The following TBC1D2 variants were observed in gnomAD, a reference collection of about 807,000 sequenced individuals.
The protein encoded by TBC1D2 is TBC1 domain family member 2, also known as TBC1 domain family member 2A.
In TBC1D2, 58 loss-of-function variants were observed where a neutral mutation model predicts 91.1. That is an observed-to-expected ratio of 0.64 (90% CI 0.52 to 0.79). The LOEUF is 0.79. TBC1D2 is among the 30% of genes least tolerant of loss of function. TBC1D2 has a pLI of 0.00. For synonymous variants in TBC1D2, 482 were observed against 511.5 expected (o/e 0.94, Z 0.78); for missense variants, 1,080 against 1,208.3 (o/e 0.89, Z 1.57).
chr9:98,211,652 C>G (rs1186526337), intron 7 of TBC1D2, among the ~76,000 whole-genome samples: 1 of 152,148 alleles, frequency 6.6e-6, no homozygotes, highest in South Asian at 2.1e-4. Flanking sequence ...CTGTTGCACC[C>G]TTGCCCGGTC....
At chr9:98,217,128 T>TG (rs1250219729) in intron 6 of TBC1D2, among the ~76,000 whole-genome samples, 1 of 152,168 alleles carries the variant, frequency 6.6e-6, no homozygotes, top group African/African-American at 2.4e-5. Flanking sequence ...GCAGTGGCAG[T>TG]GGGTGGCGTC....
At chr9:98,232,764 G>T (rs1829402976) in intron 4 of TBC1D2, among the ~76,000 whole-genome samples, 1 of 152,208 alleles carries the variant, frequency 6.6e-6, no homozygotes, top group African/African-American at 2.4e-5. Context: ...TAGGAAACTG[G>T]TGTTGGTACA....
chr9:98,223,130 C>T (rs1042801821), intron 5 of TBC1D2, among the ~76,000 whole-genome samples: 2 of 152,240 alleles, frequency 1.3e-5, no homozygotes, highest in Non-Finnish European at 2.9e-5. Flanking sequence ...TACTGCAAGT[C>T]AGGGGAACAA....
At chr9:98,240,160 TTG>T (rs200505692) in intron 3 of TBC1D2, among the ~76,000 whole-genome samples, 29 of 118,416 alleles carry the variant, frequency 2.4e-4, no homozygotes, top group Non-Finnish European at 3.7e-4. Flanking sequence ...CCAGGTGTGT[TTG>T]TGTGGTGTGT....
Position 98,209,018 on chromosome 9 carries a change from C to T in TBC1D2, c.1800G>A (p.Arg600=). 1 of 1,614,168 alleles carries T rather than the reference C, an allele frequency of 6.2e-7. No homozygotes were observed. Among genetic ancestry groups the T allele is most frequent in the Non-Finnish European group, 8.5e-7 (1 of 1,180,034 alleles). ...HHLLGLEAVD[R]PLRERWAALG... Reference sequence around the variant, plus strand: ...GGGCAGCCCAGCGCTCCCTCAGCGGCCGATCCACAGCCTCGAGGCCCAGCA... The same window carrying T: ...GGGCAGCCCAGCGCTCCCTCAGCGGTCGATCCACAGCCTCGAGGCCCAGCA... Residue 600 remains arginine (R), a synonymous_variant, in exon 9 of 13, where the codon CGG becomes CGA. Coordinates refer to ENST00000465784, the MANE Select transcript of TBC1D2 (RefSeq NM_001267571.2).
In TBC1D2 at chr9:98,210,318, G is replaced by A. The variant is rs538382782; in HGVS notation, c.1673+338C>T. 1.2e-4 allele frequency among the ~76,000 whole-genome samples: 19 copies of A among 152,296 alleles called. No homozygotes were observed. In the East Asian group the frequency reaches 3.3e-3, roughly 26 times the overall value. On this transcript the variant is annotated intron_variant, in intron 8 of 12. Transcript: ENST00000465784. ...TGCCCATGTCCACTGTGCTCAGCAAGGCCTTGGTGCAGAGGAGATGGCCTG... is the reference window on the plus strand; with the variant it reads ...TGCCCATGTCCACTGTGCTCAGCAAAGCCTTGGTGCAGAGGAGATGGCCTG...
intron 6 of TBC1D2, among the ~76,000 whole-genome samples, chr9:98,217,480 G>A (rs2900464): frequency 0.077 from 11,730 of 152,244 alleles, 496 homozygotes; most frequent in East Asian, 0.14. Flanking sequence ...AATGAGTGGG[G>A]CAGACTAGAT....
intron 1 of TBC1D2, among the ~76,000 whole-genome samples, chr9:98,254,907 C>T (rs995658581): frequency 6.6e-6 from 1 of 152,222 alleles, no homozygotes; most frequent in Non-Finnish European, 1.5e-5. Context: ...AGCTACCCTA[C>T]TCTCTAGACG....
At position 98,208,885 on chromosome 9, in the gene TBC1D2, G is replaced by A. The variant is rs201610345; in HGVS notation, c.1933C>T (p.His645Tyr). 22 of 1,614,150 alleles carry A rather than the reference G, an allele frequency of 1.4e-5. No homozygotes were observed. The highest frequency in any genetic ancestry group is 2.2e-5 in the East Asian group (1 of 44,882). ...TGGTAGCAGCCTGGAGTGTGCAGGT[G>A]CTGGACACGGAGGTGGACCAGCCAC... ...WRWLVHLRVQ[H>Y]LHTPGCYQEL... Residue 645 changes from histidine to tyrosine, a missense_variant, in exon 9 of 13, where the codon CAC (histidine) becomes TAC (tyrosine). Coordinates refer to ENST00000465784, the MANE Select transcript of TBC1D2 (RefSeq NM_001267571.2).
At chr9:98,200,655 AGGCAC>A (rs920805730) in intron 11 of TBC1D2, among the ~76,000 whole-genome samples, 1 of 152,188 alleles carries the variant, frequency 6.6e-6, no homozygotes, top group Non-Finnish European at 1.5e-5. Flanking sequence ...ACTGTGGGTG[AGGCAC>A]GGCCCCTGTT....
intron 2 of TBC1D2, among the ~76,000 whole-genome samples, chr9:98,248,307 C>T (rs1829807299): frequency 6.6e-6 from 1 of 152,280 alleles, no homozygotes; most frequent in Non-Finnish European, 1.5e-5. Context: ...GCACTTCCCA[C>T]AGGAGGCAGA....
At position 98,209,183 on chromosome 9, in the gene TBC1D2, C is replaced by A. The variant is rs199764744; in HGVS notation, c.1674-39G>T. The A allele has an allele frequency of 7.6e-6, 12 of 1,579,456 alleles. No homozygotes were observed. In the Admixed American group the frequency reaches 2.0e-4, roughly 27 times the overall value. ...TGCACGTTAGCAACACCTTGCAGAG[C>A]CCTTCCCTAGATAAGGGGTGGTGGT... On this transcript the variant is annotated intron_variant, in intron 8 of 12. Transcript: ENST00000465784.
chr9:98,247,529 C>T (rs1397616346), intron 2 of TBC1D2, among the ~76,000 whole-genome samples: 1 of 151,938 alleles, frequency 6.6e-6, no homozygotes, highest in Non-Finnish European at 1.5e-5. Flanking sequence ...GAGATTGAGA[C>T]CATCCCAGGT....
At chr9:98,206,310 T>C (rs978948200) in intron 9 of TBC1D2, among the ~76,000 whole-genome samples, 4 of 152,244 alleles carry the variant, frequency 2.6e-5, no homozygotes, top group Admixed American at 2.6e-4. Context: ...ATACCAATTA[T>C]CTGCATTTGC....
In TBC1D2 at chr9:98,255,573, G is replaced by A; in HGVS notation, c.-32C>T. The A allele has an allele frequency of 6.1e-6, 9 of 1,475,934 alleles. No homozygotes were observed. The highest frequency in any genetic ancestry group is 8.1e-6 in the Non-Finnish European group (9 of 1,117,756). 91.4% of individuals were successfully genotyped at this position (1,475,934 alleles called of 1,614,324 possible). A position where few individuals can be genotyped will look rare whatever the true frequency, so the allele number is the denominator to read the frequency against. On this transcript the variant is annotated 5_prime_UTR_variant, in exon 1 of 13. Coordinates refer to ENST00000465784, the MANE Select transcript of TBC1D2 (RefSeq NM_001267571.2). ...CAGCCGGAGACTGCGGAGGGACGAG[G>A]GGTCCGCGGGACCACCAGGGACAAA...
At chr9:98,240,164 GTGGT>G (rs150757193) in intron 3 of TBC1D2, among the ~76,000 whole-genome samples, 11,038 of 119,298 alleles carry the variant, frequency 0.093, 545 homozygotes, top group Middle Eastern at 0.15. Context: ...GTGTGTTTGT[GTGGT>G]GTGTGTGTGT....
chr9:98,250,711 T>C (rs1022661897), intron 2 of TBC1D2, among the ~76,000 whole-genome samples: 3 of 152,170 alleles, frequency 2.0e-5, no homozygotes, highest in Non-Finnish European at 2.9e-5. Flanking sequence ...GTCCTGCCCT[T>C]GCCTATTTGG....
At chr9:98,204,351 G>A (rs1334450095) in intron 9 of TBC1D2, among the ~76,000 whole-genome samples, 2 of 152,198 alleles carry the variant, frequency 1.3e-5, no homozygotes, top group Non-Finnish European at 2.9e-5. Flanking sequence ...GTCCTGTGGT[G>A]ACAAAACGCT....
rs975162021 is a variant in TBC1D2, at chr9:98,215,149, TC to T, written c.1375-1932del. 5.3e-4 allele frequency among the ~76,000 whole-genome samples: 81 copies of T among 152,312 alleles called. 1 individual carries two copies. The highest frequency in any genetic ancestry group is 1.9e-3 in the African/African-American group (78 of 41,558). ...CTGGCAAGTTTCTGCCTGCTTCTTCTCCACAGTCCCCATATCCTATCCTTAT... is the reference window on the plus strand; with the variant it reads ...CTGGCAAGTTTCTGCCTGCTTCTTCTCACAGTCCCCATATCCTATCCTTAT... On this transcript the variant is annotated intron_variant, in intron 6 of 12. Coordinates refer to ENST00000465784, the MANE Select transcript of TBC1D2 (RefSeq NM_001267571.2).
Sources: allele counts gnomAD v4.1 joint callset (sites outside exome capture counted in the v4.1 genomes callset), GRCh38; gene constraint gnomAD v4.1.1; transcripts MANE v1.5; gene names NCBI Gene and HGNC (gene_info 2026-07-23, HGNC 2026-07-21).